Variants in ANK3 observed in about 807,000 individuals in gnomAD.
ANK3 encodes ankyrin-3.
Under a neutral mutation model 370.9 loss-of-function variants are expected in ANK3, and 57 were observed. The observed-to-expected ratio is 0.15, with a 90% CI of 0.12 to 0.19. The LOEUF (loss-of-function observed/expected upper bound fraction) is 0.19, where lower values mean the gene tolerates loss of function less well. Among genes scored for constraint, ANK3 ranks in the 10% least tolerant of loss-of-function variants. ANK3 has a pLI of 1.00. For synonymous variants in ANK3, 1,929 were observed against 1,946.3 expected (o/e 0.99, Z 0.23); for missense variants, 4,439 against 5,302.1 (o/e 0.84, Z 5.06).
chr10:60,069,508 ATTG>A lies in ANK3; in HGVS notation c.11370_11372del (p.Asn3791del), dbSNP rs768074492. On this transcript the variant is annotated inframe_deletion, in exon 37 of 44. Coordinates refer to ENST00000280772, the MANE Select transcript of ANK3 (RefSeq NM_020987.5). The stretch of plus-strand genomic sequence containing the variant: ...CTGTCTGTATAGTGGAAGAATCCAA[ATTG>A]TTGTTGTTATTAAAGTTATCTTTTT... 55 of 1,613,600 alleles carry A rather than the reference ATTG, an allele frequency of 3.4e-5. No homozygotes were observed. Among genetic ancestry groups the A allele is most frequent in the South Asian group, 8.8e-5 (8 of 90,908 alleles).
intron 2 of ANK3, among the ~76,000 whole-genome samples, chr10:60,487,070 T>A (rs895344027): frequency 1.3e-5 from 2 of 152,148 alleles, no homozygotes; most frequent in African/African-American, 4.8e-5. Context: ...GTTAGAGCGA[T>A]GAGCAATTAA....
chr10:60,697,666 T>G (rs1278854976), intron 1 of ANK3, among the ~76,000 whole-genome samples: 3 of 150,108 alleles, frequency 2.0e-5, no homozygotes, highest in Admixed American at 1.3e-4. Context: ...GGATTCCCTA[T>G]TTAATAAATG....
chr10:60,066,699 A>C (rs1179545769), intron 38 of ANK3, among the ~76,000 whole-genome samples: 1 of 152,164 alleles, frequency 6.6e-6, no homozygotes, highest in Non-Finnish European at 1.5e-5. Flanking sequence ...AATAGAGATA[A>C]CTGTATGGAA....
At chr10:60,061,810 G>A (rs2080535333) in intron 40 of ANK3, 1 of 151,682 alleles carries the variant, frequency 6.6e-6, no homozygotes, top group Non-Finnish European at 1.5e-5. Flanking sequence ...AACTTTCTAA[G>A]AATTTTAAGA....
intron 1 of ANK3, among the ~76,000 whole-genome samples, chr10:60,333,922 A>G (rs1035105128): frequency 6.6e-6 from 1 of 152,178 alleles, no homozygotes; most frequent in African/African-American, 2.4e-5. Context: ...TGAACCTGGG[A>G]TACTATTTAG....
chr10:60,369,494 G>C (rs1671401238), intron 1 of ANK3, among the ~76,000 whole-genome samples: 1 of 152,272 alleles, frequency 6.6e-6, no homozygotes, highest in South Asian at 2.1e-4. Flanking sequence ...AGCACAAAAG[G>C]CTGAGTCTAA....
chr10:60,225,161 C>T (rs1028927459), intron 8 of ANK3, among the ~76,000 whole-genome samples: 2 of 152,092 alleles, frequency 1.3e-5, no homozygotes, highest in Non-Finnish European at 2.9e-5. Flanking sequence ...AATCCTCTCA[C>T]GTCAGCTTCC....
intron 8 of ANK3, among the ~76,000 whole-genome samples, chr10:60,232,870 G>A (rs1242681483): frequency 6.6e-6 from 1 of 152,094 alleles, no homozygotes; most frequent in Non-Finnish European, 1.5e-5. Context: ...TAAATGCAAG[G>A]AATAAAAAAT....
chr10:60,709,293 CTA>C, intron 1 of ANK3, among the ~76,000 whole-genome samples: 1 of 78,990 alleles, frequency 1.3e-5, no homozygotes, highest in Middle Eastern at 6.2e-3. Flanking sequence ...ATATCTATAT[CTA>C]TATCTATATC....
At chr10:60,292,869 G>A (rs755090459) in intron 1 of ANK3, among the ~76,000 whole-genome samples, 18 of 151,928 alleles carry the variant, frequency 1.2e-4, no homozygotes, top group African/African-American at 1.9e-4. Context: ...AACCACGCCC[G>A]ACTAATTTTT....
chr10:60,045,845 A>G (rs2076864570), intron 42 of ANK3, among the ~76,000 whole-genome samples: 1 of 152,204 alleles, frequency 6.6e-6, no homozygotes, highest in Non-Finnish European at 1.5e-5. Flanking sequence ...ATCAGTAGAA[A>G]GGCAGTTCTG....
intron 23 of ANK3, among the ~76,000 whole-genome samples, chr10:60,155,005 G>A (rs576884434): frequency 5.9e-5 from 9 of 152,232 alleles, no homozygotes; most frequent in African/African-American, 2.2e-4. Context: ...TTGTAAAGGG[G>A]AGGAGAGGTA....
At chr10:60,121,195 T>C (rs1008394300) in intron 25 of ANK3, among the ~76,000 whole-genome samples, 6 of 152,130 alleles carry the variant, frequency 3.9e-5, no homozygotes, top group Non-Finnish European at 8.8e-5. Context: ...GAGGTAATTA[T>C]GTTAGCTAAA....
chr10:60,578,096 T>C (rs1240235787), intron 2 of ANK3, among the ~76,000 whole-genome samples: 4 of 152,244 alleles, frequency 2.6e-5, no homozygotes, highest in Non-Finnish European at 5.9e-5. Flanking sequence ...TTTTTGACAA[T>C]GCATTGAACA....
intron 1 of ANK3, among the ~76,000 whole-genome samples, chr10:60,695,281 G>C (rs1483955313): frequency 1.3e-5 from 2 of 151,886 alleles, no homozygotes; most frequent in African/African-American, 2.4e-5. Context: ...AAGAGACTTA[G>C]ACTCCCACAC....
chr10:60,328,825 A>C (rs1190900663), intron 1 of ANK3, among the ~76,000 whole-genome samples: 6 of 152,172 alleles, frequency 3.9e-5, no homozygotes, highest in Non-Finnish European at 4.4e-5. Context: ...AAGACACAAC[A>C]ACAAAAAAAG....
exon 1 of ANK3, chr10:60,733,486 G>T: frequency 1.9e-6 from 1 of 530,734 alleles, no homozygotes; most frequent in East Asian, 3.6e-5. Context: ...TCCTCCTCCT[G>T]CTGTGTCCGC....
At chr10:60,334,942 G>T (rs953814686) in intron 1 of ANK3, among the ~76,000 whole-genome samples, 1 of 151,990 alleles carries the variant, frequency 6.6e-6, no homozygotes, top group Non-Finnish European at 1.5e-5. Context: ...CTTTCATCAG[G>T]TTTTAAGAGG....
intron 2 of ANK3, among the ~76,000 whole-genome samples, chr10:60,455,877 TG>T (rs2064735048): frequency 6.6e-6 from 1 of 152,170 alleles, no homozygotes; most frequent in South Asian, 2.1e-4. Context: ...TCACTCCCCT[TG>T]GGAGATGCGA....
Sources: gnomAD v4.1 joint callset for allele counts (sites outside exome capture counted in the v4.1 genomes callset) on GRCh38, gnomAD v4.1.1 for gene constraint, MANE v1.5 for transcripts, NCBI Gene and HGNC (gene_info 2026-07-23, HGNC 2026-07-21) for gene names.